FARS2: variants seen among roughly 807,000 people sequenced by gnomAD.
FARS2 encodes the protein phenylalanine--tRNA ligase, mitochondrial.
Under a neutral mutation model 46.4 loss-of-function variants are expected in FARS2, and 40 were observed. The observed-to-expected ratio is 0.86, with a 90% CI of 0.67 to 1.12. The LOEUF is 1.12. FARS2 is among the 50% of genes most tolerant of loss of function. FARS2 has a pLI of 0.00. For missense variants in FARS2, 513 were observed against 567.9 expected (o/e 0.90, Z 0.98); for synonymous variants, 234 against 214.9 (o/e 1.09, Z -0.78).
intron 6 of FARS2, among the ~76,000 whole-genome samples, chr6:5,649,785 G>A (rs1012181162): frequency 4.6e-5 from 7 of 152,178 alleles, no homozygotes; most frequent in Admixed American, 1.3e-4. Flanking sequence ...ACTCTTATCC[G>A]CTAGGCTGTG....
intron 6 of FARS2, among the ~76,000 whole-genome samples, chr6:5,771,087 G>T (rs1411706931): frequency 6.6e-6 from 1 of 152,186 alleles, no homozygotes; most frequent in African/African-American, 2.4e-5. Context: ...GAAACCAGCA[G>T]CCTCCTTTAG....
At chr6:5,433,222 A>C (rs1036482440) in intron 4 of FARS2, among the ~76,000 whole-genome samples, 1 of 152,152 alleles carries the variant, frequency 6.6e-6, no homozygotes, top group Admixed American at 6.5e-5. Context: ...TGGCTTTCTC[A>C]TGCTTAAGAT....
intron 1 of FARS2, among the ~76,000 whole-genome samples, chr6:5,265,874 G>C (rs1376256240): frequency 6.6e-6 from 1 of 152,114 alleles, no homozygotes; most frequent in Non-Finnish European, 1.5e-5. Context: ...TGATGCTTGG[G>C]CCACACCTCA....
intron 6 of FARS2, among the ~76,000 whole-genome samples, chr6:5,738,091 C>G (rs1024302870): frequency 3.3e-5 from 5 of 152,180 alleles, no homozygotes; most frequent in Non-Finnish European, 5.9e-5. Flanking sequence ...CTTGGGACTA[C>G]AGATGCACAC....
intron 1 of FARS2, among the ~76,000 whole-genome samples, chr6:5,281,629 AC>A (rs886590321): frequency 3.9e-5 from 4 of 101,902 alleles, no homozygotes; most frequent in Non-Finnish European, 7.4e-5. Context: ...CCATTCTCCC[AC>A]CCCCCCTGCC....
intron 1 of FARS2, among the ~76,000 whole-genome samples, chr6:5,353,586 G>A (rs914380989): frequency 6.6e-5 from 10 of 152,082 alleles, no homozygotes; most frequent in African/African-American, 1.9e-4. Context: ...CATTCTAACC[G>A]GGGCAAGGTG....
At chr6:5,501,544 T>TG (rs2150382025) in intron 4 of FARS2, among the ~76,000 whole-genome samples, 2 of 152,304 alleles carry the variant, frequency 1.3e-5, no homozygotes, top group South Asian at 4.2e-4. Context: ...TTGCCCAGGC[T>TG]GGAGTGCAGT....
chr6:5,430,460 T>C (rs1763096054), intron 3 of FARS2, among the ~76,000 whole-genome samples: 1 of 152,156 alleles, frequency 6.6e-6, no homozygotes, highest in Non-Finnish European at 1.5e-5. Flanking sequence ...ATGTGCTTTT[T>C]AATCATTCAT....
chr6:5,667,675 C>T (rs1275170687), intron 6 of FARS2, among the ~76,000 whole-genome samples: 1 of 152,084 alleles, frequency 6.6e-6, no homozygotes, highest in South Asian at 2.1e-4. Context: ...CCAGCCAAAC[C>T]CATAGAATTC....
At chr6:5,712,661 G>A (rs572626040) in intron 6 of FARS2, among the ~76,000 whole-genome samples, 1 of 152,202 alleles carries the variant, frequency 6.6e-6, no homozygotes, top group Admixed American at 6.5e-5. Flanking sequence ...GCTAAGGCAC[G>A]TCTGATCATA....
intron 2 of FARS2, among the ~76,000 whole-genome samples, chr6:5,400,935 G>C (rs1761219472): frequency 6.6e-6 from 1 of 150,448 alleles, no homozygotes; most frequent in South Asian, 2.1e-4. Flanking sequence ...TCTTTGTCTT[G>C]CTCGGTGTTT....
At chr6:5,638,913 T>C (rs1000456308) in intron 6 of FARS2, among the ~76,000 whole-genome samples, 2 of 152,214 alleles carry the variant, frequency 1.3e-5, no homozygotes, top group Non-Finnish European at 2.9e-5. Context: ...AAGCACAGAC[T>C]TGTACAGGGG....
chr6:5,430,850 A>G (rs1025557765), intron 3 of FARS2, among the ~76,000 whole-genome samples, 191 bp from the exon 4 acceptor site: 3 of 152,126 alleles, frequency 2.0e-5, no homozygotes, highest in Non-Finnish European at 4.4e-5. Context: ...TATATTGGAG[A>G]AGACATGCCC....
chr6:5,558,019 A>G (rs1771765273), intron 5 of FARS2, among the ~76,000 whole-genome samples: 1 of 152,176 alleles, frequency 6.6e-6, no homozygotes. Context: ...AGAGTTACCA[A>G]GGAACTCTCA....
chr6:5,435,151 G>C (rs1019091557), intron 4 of FARS2, among the ~76,000 whole-genome samples: 3 of 152,278 alleles, frequency 2.0e-5, no homozygotes, highest in Admixed American at 6.5e-5. Context: ...AATAAGCTAT[G>C]CTCCCCAAAT....
At chr6:5,357,552 T>G (rs1168288003) in intron 1 of FARS2, among the ~76,000 whole-genome samples, 3 of 152,144 alleles carry the variant, frequency 2.0e-5, no homozygotes, top group Admixed American at 6.5e-5. Context: ...GGAGAGCATA[T>G]AGGATAAGTT....
chr6:5,357,137 C>T (rs79178457), intron 1 of FARS2, among the ~76,000 whole-genome samples: 1,755 of 152,146 alleles, frequency 0.012, 32 homozygotes, highest in African/African-American at 0.04. Flanking sequence ...TCCATCTTTT[C>T]GAAGGACTTC....
chr6:5,636,234 C>T lies in FARS2; in HGVS notation c.1217+22914C>T, dbSNP rs190278440. 8.5e-5 allele frequency among the ~76,000 whole-genome samples: 13 copies of T among 152,270 alleles called. 1 individual carries two copies. In the East Asian group the frequency reaches 1.4e-3, roughly 16 times the overall value. On this transcript the variant is annotated intron_variant, in intron 6 of 6. Transcript: ENST00000274680. ...TCTAAGGAAGACTAAAAGGAAAAAT[C>T]GCTGTGAAGTTCCCTCTATGTGATA...
intron 6 of FARS2, among the ~76,000 whole-genome samples, chr6:5,759,105 G>A (rs1460386144): frequency 2.6e-5 from 4 of 152,110 alleles, no homozygotes; most frequent in Admixed American, 6.5e-5. Context: ...GAAGGTAAGC[G>A]ATCTACCTAG....
Sources: gnomAD v4.1 joint callset for allele counts (sites outside exome capture counted in the v4.1 genomes callset) on GRCh38, gnomAD v4.1.1 for gene constraint, MANE v1.5 for transcripts, NCBI Gene and HGNC (gene_info 2026-07-23, HGNC 2026-07-21) for gene names.